Variants in NBEA observed in about 807,000 individuals in gnomAD.
NBEA encodes lysosomal-trafficking regulator 2.
A neutral mutation model predicts 343.4 loss-of-function variants in NBEA; 44 were observed. That is an observed-to-expected ratio of 0.13 (90% CI 0.10 to 0.16). NBEA has a LOEUF of 0.16. Among genes scored for constraint, NBEA ranks in the 10% least tolerant of loss-of-function variants. NBEA has a pLI of 1.00. For missense variants in NBEA, 2,555 were observed against 3,631.3 expected, an observed-to-expected ratio of 0.70 and a Z score of 7.62; for synonymous variants, 1,175 against 1,238.7, an observed-to-expected ratio of 0.95 and a Z score of 1.08.
chr13:35,219,384 A>G (rs1263352446), intron 33 of NBEA, among the ~76,000 whole-genome samples: 1 of 152,132 alleles, frequency 6.6e-6, no homozygotes, highest in Admixed American at 6.6e-5. Context: ...ATGCATCAGA[A>G]TAACATAGAG....
At chr13:35,552,144 A>G (rs559092441) in intron 43 of NBEA, among the ~76,000 whole-genome samples, 1 of 152,244 alleles carries the variant, frequency 6.6e-6, no homozygotes, top group Non-Finnish European at 1.5e-5. Flanking sequence ...GAGAATTATT[A>G]CACAGCACTG....
intron 31 of NBEA, among the ~76,000 whole-genome samples, chr13:35,201,652 C>T (rs538570520): frequency 6.6e-6 from 1 of 152,092 alleles, no homozygotes; most frequent in Middle Eastern, 3.4e-3. Context: ...CTCTGGAACT[C>T]AGTTTCCCAA....
intron 49 of NBEA, among the ~76,000 whole-genome samples, chr13:35,640,727 T>C (rs1489565082): frequency 6.6e-6 from 1 of 152,190 alleles, no homozygotes; most frequent in Non-Finnish European, 1.5e-5. Flanking sequence ...GAGCTCTATA[T>C]ACAGATAAGC....
intron 46 of NBEA, among the ~76,000 whole-genome samples, chr13:35,588,168 G>T (rs1274868544): frequency 1.3e-5 from 2 of 152,110 alleles, no homozygotes; most frequent in African/African-American, 4.8e-5. Flanking sequence ...CACTTCAAGT[G>T]CTCAATAGTG....
At chr13:35,615,090 C>G in intron 48 of NBEA, among the ~76,000 whole-genome samples, 1 of 147,344 alleles carries the variant, frequency 6.8e-6, no homozygotes, top group Non-Finnish European at 1.5e-5. Context: ...CAAGGACCAG[C>G]CTGGGCAACA....
chr13:35,070,158 T>G lies in NBEA; in HGVS notation c.1437+53T>G. 4.3e-6 allele frequency: 6 copies of G among 1,382,368 alleles called. No individual in the cohort carries two copies. In the South Asian group the frequency reaches 1.0e-4, roughly 23 times the overall value. 85.6% of individuals were successfully genotyped at this position (1,382,368 alleles called of 1,614,324 possible). A position where few individuals can be genotyped will look rare whatever the true frequency, so the allele number is the denominator to read the frequency against. On this transcript the variant is annotated intron_variant, in intron 9 of 58. Coordinates refer to ENST00000379939, the MANE Select transcript of NBEA (RefSeq NM_001385012.1). Reference sequence around the variant, plus strand: ...GTTCTTGTCAGAATTTGACAGTATCTTTATTTTATATATCAAACATTGCTC... The same window carrying G: ...GTTCTTGTCAGAATTTGACAGTATCGTTATTTTATATATCAAACATTGCTC...
At chr13:35,047,729 A>C (rs577151245) in intron 4 of NBEA, among the ~76,000 whole-genome samples, 1 of 151,384 alleles carries the variant, frequency 6.6e-6, no homozygotes, top group South Asian at 2.1e-4. Flanking sequence ...TTTAAATTTT[A>C]TTCTGAATGC....
chr13:34,959,182 C>T (rs74455499), intron 1 of NBEA, among the ~76,000 whole-genome samples: 1 of 151,692 alleles, frequency 6.6e-6, no homozygotes, highest in African/African-American at 2.4e-5. Flanking sequence ...TTTAATGATT[C>T]TTTTTTTTAC....
chr13:35,387,982 C>CT (rs1381640576), intron 38 of NBEA, among the ~76,000 whole-genome samples: 4 of 152,030 alleles, frequency 2.6e-5, no homozygotes, highest in African/African-American at 9.7e-5. Context: ...AAAATCTTTC[C>CT]CCCCAGAGTG....
intron 37 of NBEA, among the ~76,000 whole-genome samples, chr13:35,350,455 G>A (rs998747041): frequency 1.3e-5 from 2 of 151,856 alleles, no homozygotes; most frequent in Non-Finnish European, 2.9e-5. Context: ...TGTGTTTTAT[G>A]TACTGAAATA....
chr13:34,979,031 T>C (rs2060269499), intron 1 of NBEA, among the ~76,000 whole-genome samples: 1 of 152,202 alleles, frequency 6.6e-6, no homozygotes, highest in African/African-American at 2.4e-5. Context: ...TTTAGAAACC[T>C]GACAGACCAT....
intron 1 of NBEA, among the ~76,000 whole-genome samples, chr13:35,026,515 A>G (rs1018032378): frequency 2.0e-5 from 3 of 152,084 alleles, no homozygotes; most frequent in African/African-American, 7.2e-5. Context: ...ATCCATACCC[A>G]TTGCAAATCT....
Position 35,159,560 on chromosome 13 carries a change from T to C in NBEA, c.3389T>C (p.Ile1130Thr). Residue 1130 changes from isoleucine (I) to threonine (T), a missense_variant, in exon 22 of 59, where the codon ATA (isoleucine) becomes ACA (threonine). This residue lies in a region of NBEA where 367 missense variants were observed against 377.5 expected (regional missense o/e 0.97). Coordinates refer to ENST00000379939, the MANE Select transcript of NBEA (RefSeq NM_001385012.1). The stretch of plus-strand genomic sequence containing the variant: ...GAAGAAAAGGATAATGGTCCATTGA[T>C]AACATTAGCAGATGAGAAAGAAGAC... ...KNEEKDNGPL[I>T]TLADEKEDLP... 1 of 1,612,492 alleles carries C rather than the reference T, an allele frequency of 6.2e-7. No individual in the cohort carries two copies. Among genetic ancestry groups the C allele is most frequent in the Non-Finnish European group, 8.5e-7 (1 of 1,179,410 alleles).
rs2079257414 is a variant in NBEA, at chr13:35,550,340, A to G, written c.6586-137A>G. ...AAAGGCAGAAATTTTGCAAATACAC[A>G]GTATCAAATTATTGACAATGTTGTG... On this transcript the variant is annotated intron_variant, in intron 41 of 58. Coordinates refer to ENST00000379939, the MANE Select transcript of NBEA (RefSeq NM_001385012.1). The G allele has an allele frequency of 1.8e-5, 10 of 548,642 alleles. No homozygotes were observed. The East Asian group carries it at 2.5e-4, about 13-fold the overall frequency. The allele number at this position is 548,642 out of a possible 1,614,324, so 34.0% of individuals were successfully genotyped here. A position where few individuals can be genotyped will look rare whatever the true frequency, so the allele number is the denominator to read the frequency against.
chr13:35,433,902 A>G (rs1227104643), intron 39 of NBEA, among the ~76,000 whole-genome samples: 1 of 152,022 alleles, frequency 6.6e-6, no homozygotes, highest in African/African-American at 2.4e-5. Context: ...TTTAACCAAT[A>G]ATTTAGACTT....
At chr13:35,247,247 C>T (rs1466336757) in intron 34 of NBEA, among the ~76,000 whole-genome samples, 1 of 152,200 alleles carries the variant, frequency 6.6e-6, no homozygotes, top group Non-Finnish European at 1.5e-5. Context: ...TTCTGCGTCT[C>T]CTGCCTGTCA....
rs9573024 is a variant in NBEA at position 35,040,396 on chromosome 13, G to A, written c.295-537G>A. On this transcript the variant is annotated intron_variant, in intron 1 of 58. Transcript: ENST00000379939. ...TGCTTTAAAAAAAAAAGCATTACAA[G>A]ACCTTGCATACTTCTGTTCAACTTA... is the stretch of plus-strand genomic sequence containing the variant. 3.8e-3 allele frequency among the ~76,000 whole-genome samples: 568 copies of A among 151,424 alleles called. 16 individuals are homozygous for A. The East Asian group carries it at 0.076, about 20-fold the overall frequency.
At chr13:35,227,643 A>C (rs972311091) in intron 33 of NBEA, among the ~76,000 whole-genome samples, 4 of 152,020 alleles carry the variant, frequency 2.6e-5, no homozygotes, top group Non-Finnish European at 5.9e-5. Context: ...TATATGATTT[A>C]AGAAATGAAT....
At chr13:35,151,344 G>A (rs896635162) in intron 18 of NBEA, among the ~76,000 whole-genome samples, 2 of 151,816 alleles carry the variant, frequency 1.3e-5, no homozygotes, top group African/African-American at 4.8e-5. Context: ...GGGAGTTCGA[G>A]ACCAGCCTGA....
Sources: gnomAD v4.1 joint callset for allele counts (sites outside exome capture counted in the v4.1 genomes callset) on GRCh38, gnomAD v4.1.1 for gene constraint, gnomAD v4.1.1 regional missense constraint, MANE v1.5 for transcripts, NCBI Gene and HGNC (gene_info 2026-07-23, HGNC 2026-07-21) for gene names.